PRKACB: variants seen among roughly 807,000 people sequenced by gnomAD.
PRKACB encodes cAMP-dependent protein kinase catalytic subunit beta.
PRKACB carries 16 observed loss-of-function variants against 51.4 expected under a neutral mutation model. The observed-to-expected ratio is 0.31, with a 90% CI of 0.21 to 0.47. The LOEUF (loss-of-function observed/expected upper bound fraction) is 0.47. Among genes scored for constraint, PRKACB ranks in the 20% least tolerant of loss-of-function variants. The probability of loss-of-function intolerance (pLI) is 1.00; values close to 1 mark genes in which losing one functional copy is unlikely to be tolerated. For synonymous variants in PRKACB, 147 were observed against 154.4 expected (o/e 0.95, Z 0.35); for missense variants, 309 against 464.5 (o/e 0.67, Z 3.08).
intron 1 of PRKACB, among the ~76,000 whole-genome samples, chr1:84,130,144 C>T (rs1267386419): frequency 7.8e-6 from 1 of 127,576 alleles, no homozygotes; most frequent in South Asian, 2.6e-4. Flanking sequence ...GAGCCAAGAT[C>T]GTGCCATTGC....
chr1:84,183,559 A>G (rs1269308643), intron 3 of PRKACB, among the ~76,000 whole-genome samples: 1 of 151,666 alleles, frequency 6.6e-6, no homozygotes, highest in Non-Finnish European at 1.5e-5. Flanking sequence ...TTTCTTATTC[A>G]TCTTCTGAAG....
At chr1:84,098,477 T>C (rs1649092703) in intron 1 of PRKACB, among the ~76,000 whole-genome samples, 1 of 152,080 alleles carries the variant, frequency 6.6e-6, no homozygotes, top group African/African-American at 2.4e-5. Flanking sequence ...TAGGTCTGCT[T>C]GCATGTCTCA....
rs538728084 is a variant in PRKACB, at chr1:84,157,564, C to G, written c.187+13016C>G. On this transcript the variant is annotated intron_variant, in intron 1 of 9. Coordinates refer to ENST00000370685, the MANE Select transcript of PRKACB (RefSeq NM_182948.4). Reference sequence around the variant, plus strand: ...TACCCATATCCAGTCAATCCCCACTCTCACCTCAATCTCAGATAAACACTG... The same window carrying G: ...TACCCATATCCAGTCAATCCCCACTGTCACCTCAATCTCAGATAAACACTG... Among the ~76,000 whole-genome samples the G allele has an allele frequency of 4.6e-5, 7 of 152,288 alleles. 1 individual carries two copies. The highest frequency in any genetic ancestry group is 1.2e-4 in the African/African-American group (5 of 41,568).
At chr1:84,122,537 C>T (rs960062409) in intron 1 of PRKACB, among the ~76,000 whole-genome samples, 3 of 152,046 alleles carry the variant, frequency 2.0e-5, no homozygotes, top group Non-Finnish European at 4.4e-5. Flanking sequence ...TGCATTAAAC[C>T]AGCTCAATAT....
intron 1 of PRKACB, among the ~76,000 whole-genome samples, chr1:84,107,217 A>T (rs889050348): frequency 2.0e-5 from 3 of 152,094 alleles, no homozygotes; most frequent in Non-Finnish European, 2.9e-5. Flanking sequence ...GACAAGGCTG[A>T]TTAAACAAGC....
intron 8 of PRKACB, among the ~76,000 whole-genome samples, chr1:84,210,049 A>C (rs895524804): frequency 1.3e-5 from 2 of 152,210 alleles, no homozygotes; most frequent in Admixed American, 1.3e-4. Context: ...CTCCAGAGAC[A>C]TACTGACTCA....
intron 1 of PRKACB, among the ~76,000 whole-genome samples, chr1:84,105,306 C>T (rs1649647419): frequency 6.6e-6 from 1 of 152,084 alleles, no homozygotes; most frequent in East Asian, 1.9e-4. Context: ...CAATTCATTT[C>T]CACCCCCTTG....
intron 1 of PRKACB, among the ~76,000 whole-genome samples, chr1:84,155,873 A>G (rs1316286188): frequency 4.6e-5 from 7 of 152,186 alleles, no homozygotes; most frequent in Non-Finnish European, 1.0e-4. Flanking sequence ...AAGAATTCCA[A>G]GGAGGTCTTT....
At chr1:84,182,356 C>G in intron 3 of PRKACB, 28 bp downstream of exon 3, 1 of 1,488,708 alleles carries the variant, frequency 6.7e-7, no homozygotes, top group Non-Finnish European at 9.0e-7. Flanking sequence ...TATTTACCTT[C>G]AGGGTAAACT....
chr1:84,099,781 T>G (rs1649192729), intron 1 of PRKACB, among the ~76,000 whole-genome samples: 1 of 152,194 alleles, frequency 6.6e-6, no homozygotes, highest in Non-Finnish European at 1.5e-5. Context: ...AGAAATAGTT[T>G]CTAGTTGTGA....
intron 1 of PRKACB, chr1:84,086,085 T>C: frequency 3.7e-6 from 5 of 1,335,734 alleles, no homozygotes; most frequent in South Asian, 1.2e-5. Flanking sequence ...AAGGTGTATA[T>C]TGATGACCAC....
At chr1:84,179,429 G>A (rs2100948345) in intron 2 of PRKACB, among the ~76,000 whole-genome samples, 191 bp downstream of exon 2, 1 of 151,870 alleles carries the variant, frequency 6.6e-6, no homozygotes, top group Admixed American at 6.6e-5. Flanking sequence ...TGCCTAAATT[G>A]CAGGAAATAA....
intron 1 of PRKACB, among the ~76,000 whole-genome samples, chr1:84,169,672 A>G (rs962445651): frequency 6.6e-6 from 1 of 151,724 alleles, no homozygotes; most frequent in African/African-American, 2.4e-5. Context: ...AACAGAGCAG[A>G]TATGATTTAT....
chr1:84,094,180 G>T (rs1484705946), intron 1 of PRKACB, among the ~76,000 whole-genome samples: 1 of 151,904 alleles, frequency 6.6e-6, no homozygotes, highest in African/African-American at 2.4e-5. Flanking sequence ...GGTGTCACTG[G>T]AAAGCTTTCA....
chr1:84,136,490 C>CCCCACACACACACA (rs1553163971), intron 1 of PRKACB, among the ~76,000 whole-genome samples: 1 of 146,650 alleles, frequency 6.8e-6, no homozygotes, highest in Non-Finnish European at 1.5e-5. Flanking sequence ...ACGGCCAAAA[C>CCCCACACACACACA]CACACACACA....
At chr1:84,143,096 C>G (rs186508838), upstream of PRKACB, among the ~76,000 whole-genome samples, 1 of 151,994 alleles carries the variant, frequency 6.6e-6, no homozygotes, top group Non-Finnish European at 1.5e-5. Flanking sequence ...TTAAATGCCA[C>G]AGGTTACTTT....
At chr1:84,085,235 A>T (rs999464852) in intron 1 of PRKACB, among the ~76,000 whole-genome samples, 4 of 152,220 alleles carry the variant, frequency 2.6e-5, no homozygotes, top group Non-Finnish European at 4.4e-5. Context: ...TAGCACCAAC[A>T]TCTATTATGT....
At chr1:84,178,348 A>G (rs1248612951) in intron 1 of PRKACB, among the ~76,000 whole-genome samples, 1 of 151,988 alleles carries the variant, frequency 6.6e-6, no homozygotes, top group African/African-American at 2.4e-5. Flanking sequence ...ATTTGTTTTT[A>G]AACATCTGAA....
intron 1 of PRKACB, among the ~76,000 whole-genome samples, chr1:84,094,698 A>G (rs1435646281): frequency 2.0e-5 from 3 of 151,932 alleles, no homozygotes; most frequent in African/African-American, 2.4e-5. Context: ...CGTTGCCTAC[A>G]TGTACTCTCT....
Sources: allele counts gnomAD v4.1 joint callset (sites outside exome capture counted in the v4.1 genomes callset), GRCh38; gene constraint gnomAD v4.1.1; transcripts MANE v1.5; gene names NCBI Gene and HGNC (gene_info 2026-07-23, HGNC 2026-07-21).